The following ANKMY1 variants were observed in gnomAD, a reference collection of about 807,000 sequenced individuals.
The protein encoded by ANKMY1 is ankyrin repeat and MYND domain containing 1.
ANKMY1 carries 98 observed loss-of-function variants against 102.0 expected under a neutral mutation model. The ratio of observed to expected loss-of-function variants is 0.96; its 90% CI spans 0.82 to 1.14. The LOEUF is 1.14. Among genes scored for constraint, ANKMY1 ranks in the 50% most tolerant of loss-of-function variants. The pLI is 0.00. For missense variants in ANKMY1, 1,330 were observed against 1,347.6 expected, an observed-to-expected ratio of 0.99 and a Z score of 0.20; for synonymous variants, 582 against 559.9, an observed-to-expected ratio of 1.04 and a Z score of -0.56.
chr2:240,498,989 A>G (rs1574962671), intron 15 of ANKMY1, among the ~76,000 whole-genome samples: 1 of 152,192 alleles, frequency 6.6e-6, no homozygotes, highest in African/African-American at 2.4e-5. Context: ...CCACAAGCCT[A>G]TTAAACCTCT....
At chr2:240,548,169 T>G (rs2090805070) in intron 4 of ANKMY1, among the ~76,000 whole-genome samples, 1 of 152,112 alleles carries the variant, frequency 6.6e-6, no homozygotes, top group Non-Finnish European at 1.5e-5. Context: ...TCCACCATGA[T>G]CAAGTGGGCT....
At chr2:240,473,478 C>CAAAAAA in the ANKMY1 span, among the ~76,000 whole-genome samples, 4 of 135,074 alleles carry the variant, frequency 3.0e-5, no homozygotes, top group African/African-American at 8.4e-5. Context: ...ACCAATTAAC[C>CAAAAAA]AAAAAAAAAA....
upstream of ANKMY1, chr2:240,560,907 G>C (rs1361270358): frequency 1.3e-6 from 2 of 1,532,136 alleles, no homozygotes; most frequent in Non-Finnish European, 1.7e-6. Context: ...CGACGACCCG[G>C]CTGAGGACCT....
Position 240,555,034 on chromosome 2 carries a change from C to T in ANKMY1, c.168G>A (p.Glu56=). The T allele has an allele frequency of 6.2e-7, 1 of 1,614,062 alleles. No homozygotes were observed. The highest frequency in any genetic ancestry group is 8.5e-7 in the Non-Finnish European group (1 of 1,179,968). ...FATRDVSAAP[E]KEEEEAEGPL... is the part of the protein sequence containing the mutation. ...GGCCCTCAGCTTCCTCCTCTTCCTT[C>T]TCAGGGGCTGCTGAAACATCCCTAA... Residue 56 remains glutamate (E), a synonymous_variant, in exon 3 of 18, where the codon GAG becomes GAA. Coordinates refer to ENST00000401804, the MANE Select transcript of ANKMY1 (RefSeq NM_001282771.3).
At position 240,495,142 on chromosome 2, in the gene ANKMY1, GC is replaced by G. The variant is rs1264542140; in HGVS notation, c.2806+4815del. Among the ~76,000 whole-genome samples the G allele has an allele frequency of 2.0e-5, 3 of 152,174 alleles. No individual in the cohort carries two copies. The East Asian group carries it at 5.8e-4, about 29-fold the overall frequency. On this transcript the variant is annotated intron_variant, in intron 15 of 17. Transcript: ENST00000401804. ...GGCCACCAGAGGGCTCCTTGGTCTA[GC>G]GGTAACACCAGTGTCTGGGAAGACG...
intron 5 of ANKMY1, chr2:240,526,748 T>C: frequency 1.1e-5 from 14 of 1,307,236 alleles, no homozygotes; most frequent in Non-Finnish European, 1.3e-5. Flanking sequence ...GGGTGTTTGC[T>C]AAGAAATGGG....
At chr2:240,525,001 T>G (rs2083067365) in intron 7 of ANKMY1, among the ~76,000 whole-genome samples, 1 of 152,230 alleles carries the variant, frequency 6.6e-6, no homozygotes, top group South Asian at 2.1e-4. Context: ...TGTTAAAGCT[T>G]GAAAACTGTA....
At chr2:240,493,475 A>G (rs572752121) in intron 15 of ANKMY1, among the ~76,000 whole-genome samples, 16 of 151,674 alleles carry the variant, frequency 1.1e-4, no homozygotes. Context: ...TCCTATTTTT[A>G]TTTTTATAGG....
chr2:240,525,986 A>T, intron 6 of ANKMY1, 137 bp from the exon 7 acceptor site: 1 of 1,189,418 alleles, frequency 8.4e-7, no homozygotes, highest in Non-Finnish European at 1.2e-6. Flanking sequence ...AGCTTGGCAA[A>T]GGGACAAGTG....
At chr2:240,557,846 C>A (rs892727437) in intron 1 of ANKMY1, 35 bp downstream of exon 1, 4 of 981,888 alleles carry the variant, frequency 4.1e-6, no homozygotes, top group African/African-American at 1.7e-5. Context: ...ATCCCCCTAG[C>A]CCCGGCTCCC....
intron 15 of ANKMY1, among the ~76,000 whole-genome samples, chr2:240,486,367 T>C (rs1316855666): frequency 1.3e-5 from 2 of 152,234 alleles, no homozygotes; most frequent in East Asian, 1.9e-4. Flanking sequence ...ACAAATTGCT[T>C]ACATATAAAT....
intron 16 of ANKMY1, 114 bp downstream of exon 16, chr2:240,482,069 G>T: frequency 8.5e-7 from 1 of 1,183,208 alleles, no homozygotes; most frequent in Non-Finnish European, 1.2e-6. Flanking sequence ...TGCCACTTGG[G>T]GGTCAGATGG....
upstream of ANKMY1, chr2:240,560,696 A>G: frequency 6.5e-7 from 1 of 1,527,594 alleles, no homozygotes; most frequent in Non-Finnish European, 8.7e-7. Flanking sequence ...TGGGACCGGC[A>G]GAAGCTGGGC....
At chr2:240,539,930 C>T (rs1362471985) in intron 4 of ANKMY1, among the ~76,000 whole-genome samples, 1 of 152,204 alleles carries the variant, frequency 6.6e-6, no homozygotes, top group Non-Finnish European at 1.5e-5. Context: ...GGAGTTTAGA[C>T]ACAACTGACC....
At chr2:240,532,316 G>A (rs2085608294) in intron 4 of ANKMY1, among the ~76,000 whole-genome samples, 2 of 152,154 alleles carry the variant, frequency 1.3e-5, no homozygotes, top group Non-Finnish European at 2.9e-5. Context: ...CTGTCCTGTG[G>A]GGATATTCTT....
intron 13 of ANKMY1, among the ~76,000 whole-genome samples, chr2:240,503,913 A>G (rs1225944925): frequency 1.3e-5 from 2 of 152,200 alleles, no homozygotes; most frequent in African/African-American, 2.4e-5. Context: ...ACAGACATGC[A>G]TGCAGGCAGA....
intron 4 of ANKMY1, among the ~76,000 whole-genome samples, chr2:240,540,350 G>A (rs865969605): frequency 9.9e-5 from 15 of 152,222 alleles, no homozygotes; most frequent in Admixed American, 3.3e-4. Context: ...CCATGGTCAT[G>A]AAACCGACCC....
At chr2:240,475,738 G>A (rs564398846), downstream of ANKMY1, among the ~76,000 whole-genome samples, 88 of 151,606 alleles carry the variant, frequency 5.8e-4, 2 homozygotes, top group South Asian at 0.016. Flanking sequence ...TCATTATTAC[G>A]TCTAACAGGT....
chr2:240,519,284 T>C (rs913183555), intron 9 of ANKMY1, among the ~76,000 whole-genome samples: 1 of 152,192 alleles, frequency 6.6e-6, no homozygotes, highest in Admixed American at 6.5e-5. Flanking sequence ...GGGGTTGGTC[T>C]AGATGTTAAA....
Sources: gnomAD v4.1 joint callset for allele counts (sites outside exome capture counted in the v4.1 genomes callset) on GRCh38, gnomAD v4.1.1 for gene constraint, MANE v1.5 for transcripts, NCBI Gene and HGNC (gene_info 2026-07-23, HGNC 2026-07-21) for gene names.